PTGER4: variants seen among roughly 807,000 people sequenced by gnomAD.
PTGER4 encodes the protein prostaglandin E2 receptor EP4 subtype.
Under a neutral mutation model 33.2 loss-of-function variants are expected in PTGER4, and 11 were observed. The observed-to-expected ratio is 0.33, with a 90% CI of 0.21 to 0.55. The LOEUF (loss-of-function observed/expected upper bound fraction) is 0.55. Among genes scored for constraint, PTGER4 ranks in the 20% least tolerant of loss-of-function variants. The pLI is 0.92. For missense variants in PTGER4, 481 were observed against 650.2 expected (o/e 0.74, Z 2.83); for synonymous variants, 275 against 281.5 (o/e 0.98, Z 0.23).
At chr5:40,717,507 T>A in the PTGER4 span, among the ~76,000 whole-genome samples, 3,675 of 152,274 alleles carry the variant, frequency 0.024, 83 homozygotes, top group South Asian at 0.055. Flanking sequence ...CATATTTGGC[T>A]GAGTAATTCT....
chr5:40,694,291 C>T (rs368200181), downstream of PTGER4, among the ~76,000 whole-genome samples: 2 of 152,148 alleles, frequency 1.3e-5, no homozygotes, highest in Non-Finnish European at 2.9e-5. Context: ...CTTCAAGCAG[C>T]CTGCCCACCT....
chr5:40,703,467 C>A, the PTGER4 span, among the ~76,000 whole-genome samples: 2 of 152,062 alleles, frequency 1.3e-5, no homozygotes, highest in Admixed American at 1.3e-4. Flanking sequence ...CTGAACAGAC[C>A]AATAACAAGC....
chr5:40,732,902 C>T, the PTGER4 span, among the ~76,000 whole-genome samples: 1 of 152,112 alleles, frequency 6.6e-6, no homozygotes. Flanking sequence ...GCCACCGCGC[C>T]CGGCCTAATA....
At chr5:40,710,050 G>A in the PTGER4 span, among the ~76,000 whole-genome samples, 26 of 152,176 alleles carry the variant, frequency 1.7e-4, no homozygotes, top group African/African-American at 2.9e-4. Context: ...CAAAAGTAAC[G>A]GCAACAAAAG....
chr5:40,687,556 CA>C, intron 2 of PTGER4, among the ~76,000 whole-genome samples: 2 of 152,218 alleles, frequency 1.3e-5, no homozygotes. Flanking sequence ...AACAGCAAAT[CA>C]AGTAGCCTAC....
intron 2 of PTGER4, chr5:40,685,520 T>C (rs1741301907): frequency 2.4e-5 from 23 of 959,110 alleles, no homozygotes; most frequent in Non-Finnish European, 2.7e-5. Flanking sequence ...CTGGATTTGT[T>C]CAAATAAATT....
the PTGER4 span, among the ~76,000 whole-genome samples, chr5:40,731,886 T>C: frequency 6.6e-6 from 1 of 152,356 alleles, no homozygotes; most frequent in Non-Finnish European, 1.5e-5. Flanking sequence ...TCAGACCACA[T>C]AGCAACACTT....
intron 2 of PTGER4, among the ~76,000 whole-genome samples, chr5:40,688,257 G>A (rs979977077): frequency 1.3e-5 from 2 of 152,116 alleles, no homozygotes; most frequent in Non-Finnish European, 2.9e-5. Flanking sequence ...TCTGTTCTGC[G>A]AGTCTCGGAG....
In PTGER4 at chr5:40,681,846, T is replaced by C; in HGVS notation, c.853T>C (p.Ser285Pro). ...CACCTCCCTGGTGGTGCTCATCTGC[T>C]CCATCCCGCTCGTGGTGAGTGACCG... ...IATSLVVLICSIPLVVRVFVN... is the reference protein window; with the variant it reads ...IATSLVVLICPIPLVVRVFVN... The change falls in exon 2 of 3, where the codon TCC (serine) becomes CCC (proline). Residue 285 changes from serine to proline, a missense_variant. Around this residue, in one of 7 missense-constraint regions of PTGER4, gnomAD observed 174 missense variants for 210.5 expected, o/e 0.83. Coordinates refer to ENST00000302472, the MANE Select transcript of PTGER4 (RefSeq NM_000958.3). The surrounding 1 kb of genome is among the most constrained non-coding windows in gnomAD (Gnocchi z 9.8). 6.6e-7 allele frequency: 1 copy of C among 1,526,172 alleles called. No homozygotes were observed. Among genetic ancestry groups the C allele is most frequent in the Non-Finnish European group, 8.8e-7 (1 of 1,141,012 alleles). 94.5% of individuals were successfully genotyped at this position (1,526,172 alleles called of 1,614,324 possible).
chr5:40,728,481 AG>A, the PTGER4 span: 1 of 1,584,648 alleles, frequency 6.3e-7, no homozygotes, highest in South Asian at 1.2e-5. Flanking sequence ...TAGCACCTAT[AG>A]GCAAAAAAAG....
the PTGER4 span, among the ~76,000 whole-genome samples, chr5:40,709,379 T>C: frequency 1.3e-5 from 2 of 152,180 alleles, no homozygotes; most frequent in African/African-American, 2.4e-5. Context: ...AGCATTCTTA[T>C]ACACCAATAA....
At chr5:40,712,701 T>C in the PTGER4 span, among the ~76,000 whole-genome samples, 2 of 152,160 alleles carry the variant, frequency 1.3e-5, no homozygotes, top group Non-Finnish European at 2.9e-5. Context: ...AAAAAGAGGC[T>C]AGCATGCCCA....
chr5:40,710,364 A>C, the PTGER4 span, among the ~76,000 whole-genome samples: 12 of 152,264 alleles, frequency 7.9e-5, no homozygotes, highest in Admixed American at 2.0e-4. Flanking sequence ...ATGCAAATCA[A>C]AACCACAGTG....
the PTGER4 span, among the ~76,000 whole-genome samples, chr5:40,702,311 A>G: frequency 6.6e-6 from 1 of 152,242 alleles, no homozygotes; most frequent in Non-Finnish European, 1.5e-5. Flanking sequence ...CACAGGCTCA[A>G]AATAAGGGAT....
chr5:40,736,580 C>T, the PTGER4 span, among the ~76,000 whole-genome samples: 1 of 151,982 alleles, frequency 6.6e-6, no homozygotes, highest in African/African-American at 2.4e-5. Flanking sequence ...TAGAAAAAGC[C>T]ACTTGAACAA....
At position 40,692,801 on chromosome 5, in the gene PTGER4, T is replaced by G. The variant is rs1000548016; in HGVS notation, c.*423T>G. On this transcript the variant is annotated 3_prime_UTR_variant, in exon 3 of 3. Coordinates refer to ENST00000302472, the MANE Select transcript of PTGER4 (RefSeq NM_000958.3). ...ATGATTTAAGTGTCTCACTAAAGCA[T>G]GAAATGTGAATTTTTATTGTTGTAC... The G allele has an allele frequency of 1.0e-5, 10 of 989,956 alleles. No individual in the cohort carries two copies. Among genetic ancestry groups the G allele is most frequent in the Non-Finnish European group, 1.1e-5 (9 of 832,670 alleles). 61.3% of individuals were successfully genotyped at this position (989,956 alleles called of 1,614,324 possible). A position where few individuals can be genotyped will look rare whatever the true frequency, so the allele number is the denominator to read the frequency against.
At chr5:40,725,488 G>A in the PTGER4 span, among the ~76,000 whole-genome samples, 1 of 152,138 alleles carries the variant, frequency 6.6e-6, no homozygotes, top group Admixed American at 6.5e-5. Flanking sequence ...GAAAACATTA[G>A]TAAACAAAAT....
chr5:40,711,289 T>C, the PTGER4 span, among the ~76,000 whole-genome samples: 1 of 152,154 alleles, frequency 6.6e-6, no homozygotes, highest in Non-Finnish European at 1.5e-5. Flanking sequence ...TATGAAAAGA[T>C]GCTCAACATT....
chr5:40,681,042 C>T lies in PTGER4; in HGVS notation c.49C>T (p.Leu17=). The change falls in exon 2 of 3, where the codon CTG becomes TTG. Residue 17 remains leucine, a synonymous_variant. Transcript: ENST00000302472. This position sits in a 1 kb window ranked among gnomAD's most constrained non-coding sequence, Gnocchi z 9.8. The stretch of plus-strand genomic sequence containing the variant: ...GTCCGCCTCCTTGAGCCCCGACCGG[C>T]TGAACAGCCCAGTGACCATCCCGGC... ...NSSASLSPDR[L]NSPVTIPAVM... is the part of the protein sequence containing the mutation. The T allele has an allele frequency of 6.2e-7, 1 of 1,614,074 alleles. No homozygotes were observed. The highest frequency in any genetic ancestry group is 8.5e-7 in the Non-Finnish European group (1 of 1,180,010).
Sources: allele counts gnomAD v4.1 joint callset (sites outside exome capture counted in the v4.1 genomes callset), GRCh38; gene constraint gnomAD v4.1.1; regional missense constraint gnomAD v4.1.1; non-coding constraint Gnocchi (gnomAD v3.1); transcripts MANE v1.5; gene names NCBI Gene and HGNC (gene_info 2026-07-23, HGNC 2026-07-21).